Variants in HPSE2 observed in about 807,000 individuals in gnomAD.
HPSE2 encodes heparanase 2 (inactive).
A neutral mutation model predicts 60.5 loss-of-function variants in HPSE2; 38 were observed. The ratio of observed to expected loss-of-function variants is 0.63; its 90% CI spans 0.48 to 0.82. The LOEUF is 0.82. Ranked by LOEUF, HPSE2 falls within the 40% of genes least tolerant of loss-of-function variation. HPSE2 has a pLI of 0.00. For synonymous variants in HPSE2, 295 were observed against 293.2 expected, an observed-to-expected ratio of 1.01 and a Z score of -0.06; for missense variants, 713 against 740.4, an observed-to-expected ratio of 0.96 and a Z score of 0.43.
chr10:98,583,465 A>T lies in HPSE2; in HGVS notation c.1320+31439T>A, dbSNP rs553776996. On this transcript the variant is annotated intron_variant, in intron 9 of 11. Transcript: ENST00000370552. ...AGAACCCAGACACCATCCACTGGTA[A>T]CACTATGCCTTTAAAATACAAGTTT... Among the ~76,000 whole-genome samples the T allele has an allele frequency of 2.6e-5, 4 of 152,340 alleles. No homozygotes were observed. In the East Asian group the frequency reaches 7.7e-4, roughly 29 times the overall value.
At chr10:98,815,660 C>G (rs76591663) in intron 3 of HPSE2, among the ~76,000 whole-genome samples, 1 of 152,194 alleles carries the variant, frequency 6.6e-6, no homozygotes, top group East Asian at 1.9e-4. Context: ...TTCAAGTCAG[C>G]GGGGTTCCAA....
chr10:99,108,765 A>G (rs574145025), intron 3 of HPSE2, among the ~76,000 whole-genome samples: 6 of 152,338 alleles, frequency 3.9e-5, no homozygotes, highest in Admixed American at 3.9e-4. Flanking sequence ...CACCTTTACT[A>G]CAGGGACTTA....
At chr10:98,726,185 C>T (rs1466782458) in intron 4 of HPSE2, among the ~76,000 whole-genome samples, 8 of 152,070 alleles carry the variant, frequency 5.3e-5, no homozygotes, top group African/African-American at 1.5e-4. Flanking sequence ...CACATGCACA[C>T]GTATGTTTAT....
intron 2 of HPSE2, among the ~76,000 whole-genome samples, chr10:99,168,466 A>C (rs73333738): frequency 0.018 from 2,808 of 152,312 alleles, 91 homozygotes; most frequent in African/African-American, 0.064. Flanking sequence ...AGAGATGTTC[A>C]TGAATTCACT....
At chr10:99,030,751 T>C (rs1240193025) in intron 3 of HPSE2, among the ~76,000 whole-genome samples, 2 of 152,120 alleles carry the variant, frequency 1.3e-5, no homozygotes, top group East Asian at 3.9e-4. Flanking sequence ...AAGTGATGAA[T>C]GGATAAAGAA....
intron 3 of HPSE2, among the ~76,000 whole-genome samples, chr10:99,037,920 CA>C (rs1957647234): frequency 6.6e-6 from 1 of 151,848 alleles, no homozygotes; most frequent in East Asian, 1.9e-4. Flanking sequence ...ATACAGACGA[CA>C]AATAAGCACA....
the HPSE2 span, among the ~76,000 whole-genome samples, chr10:99,301,657 T>C: frequency 6.6e-6 from 1 of 152,124 alleles, no homozygotes; most frequent in African/African-American, 2.4e-5. Flanking sequence ...TCCAGACCAG[T>C]GGCTTACTGT....
At chr10:98,777,876 T>C (rs964536723) in intron 3 of HPSE2, among the ~76,000 whole-genome samples, 4 of 152,126 alleles carry the variant, frequency 2.6e-5, no homozygotes, top group Non-Finnish European at 5.9e-5. Context: ...GATTTCTTGA[T>C]GGTAGTTTAA....
At chr10:99,148,787 C>CTCAA (rs10604979) in intron 2 of HPSE2, among the ~76,000 whole-genome samples, 2,206 of 149,758 alleles carry the variant, frequency 0.015, 34 homozygotes, top group African/African-American at 0.042. Context: ...CGAAACTCCA[C>CTCAA]TCAATCAATC....
At chr10:98,620,756 A>AG in intron 7 of HPSE2, 48 bp from the exon 8 acceptor site, 1 of 1,227,434 alleles carries the variant, frequency 8.1e-7, no homozygotes, top group Non-Finnish European at 1.2e-6. Context: ...TTTAAAAGCT[A>AG]TTCCCACATG....
intron 3 of HPSE2, among the ~76,000 whole-genome samples, chr10:98,918,432 A>G (rs1196965734): frequency 6.6e-6 from 1 of 151,684 alleles, no homozygotes; most frequent in African/African-American, 2.4e-5. Flanking sequence ...ACCAACCCAA[A>G]TGTCCAACAA....
intron 3 of HPSE2, among the ~76,000 whole-genome samples, chr10:99,112,343 C>A (rs1844494973): frequency 6.6e-6 from 1 of 152,138 alleles, no homozygotes; most frequent in Non-Finnish European, 1.5e-5. Flanking sequence ...GGGTTCACAC[C>A]ATTCTCCTGC....
chr10:99,029,421 C>T (rs1957449127), intron 3 of HPSE2, among the ~76,000 whole-genome samples: 1 of 152,164 alleles, frequency 6.6e-6, no homozygotes, highest in South Asian at 2.1e-4. Context: ...CGGGGGACCA[C>T]TACCACCAAT....
At chr10:99,116,200 C>T (rs1167126583) in intron 3 of HPSE2, among the ~76,000 whole-genome samples, 1 of 151,728 alleles carries the variant, frequency 6.6e-6, no homozygotes, top group East Asian at 1.9e-4. Flanking sequence ...TCCTAGATTA[C>T]CAAGAAACAC....
chr10:99,214,345 T>C lies in HPSE2; in HGVS notation c.448+18003A>G, dbSNP rs563749409. Among the ~76,000 whole-genome samples, 219 of 152,336 alleles carry C rather than the reference T, an allele frequency of 1.4e-3. 1 individual carries two copies. The highest frequency in any genetic ancestry group is 1.6e-3 in the Non-Finnish European group (111 of 68,020). ...TACCACATGACCCAGCATATATTCCTACTCCTTGGTATATACTCAAGAGAA... is the reference window on the plus strand; with the variant it reads ...TACCACATGACCCAGCATATATTCCCACTCCTTGGTATATACTCAAGAGAA... On this transcript the variant is annotated intron_variant, in intron 2 of 11. Transcript: ENST00000370552.
chr10:99,013,351 T>C, intron 3 of HPSE2: 1 of 608,234 alleles, frequency 1.6e-6, no homozygotes. Flanking sequence ...ATCCTCTCTC[T>C]GTCTGTACTG....
At chr10:98,885,616 C>G (rs1953141572) in intron 3 of HPSE2, among the ~76,000 whole-genome samples, 1 of 152,176 alleles carries the variant, frequency 6.6e-6, no homozygotes, top group Middle Eastern at 3.4e-3. Flanking sequence ...AGAGACAAGG[C>G]CCTCCACTAG....
intron 5 of HPSE2, among the ~76,000 whole-genome samples, chr10:98,721,350 A>G (rs1439751504): frequency 6.6e-6 from 1 of 152,270 alleles, no homozygotes; most frequent in East Asian, 1.9e-4. Context: ...AAAAAATATA[A>G]AATGATGCTA....
At chr10:99,269,588 T>A in the HPSE2 span, among the ~76,000 whole-genome samples, 1 of 152,158 alleles carries the variant, frequency 6.6e-6, no homozygotes, top group Non-Finnish European at 1.5e-5. Context: ...ATTTAAACTA[T>A]ACCCTCGAGC....
Sources: gnomAD v4.1 joint callset for allele counts (sites outside exome capture counted in the v4.1 genomes callset) on GRCh38, gnomAD v4.1.1 for gene constraint, MANE v1.5 for transcripts, NCBI Gene and HGNC (gene_info 2026-07-23, HGNC 2026-07-21) for gene names.